The following MCCC1 variants were observed in gnomAD, a reference collection of about 807,000 sequenced individuals.
MCCC1 encodes methylcrotonyl-CoA carboxylase subunit 1, also known as methylcrotonoyl-CoA carboxylase subunit alpha, mitochondrial.
MCCC1 carries 64 observed loss-of-function variants against 83.8 expected under a neutral mutation model. The ratio of observed to expected loss-of-function variants is 0.76; its 90% CI spans 0.62 to 0.94. MCCC1 has a LOEUF of 0.94. Ranked by LOEUF, MCCC1 falls within the 40% of genes least tolerant of loss-of-function variation. MCCC1 has a pLI of 0.00. For synonymous variants in MCCC1, 322 were observed against 315.4 expected (o/e 1.02, Z -0.22); for missense variants, 807 against 904.7 (o/e 0.89, Z 1.39).
chr3:183,104,363 C>A (rs1404369743), upstream of MCCC1, among the ~76,000 whole-genome samples: 1 of 152,164 alleles, frequency 6.6e-6, no homozygotes, highest in Non-Finnish European at 1.5e-5. Flanking sequence ...ACTGATCTAC[C>A]CGCCTTGGCC....
upstream of MCCC1, among the ~76,000 whole-genome samples, chr3:183,100,050 G>A (rs28364748): frequency 7.9e-5 from 12 of 152,236 alleles, no homozygotes; most frequent in East Asian, 2.3e-3. Context: ...AAAGCAGGAG[G>A]GAGAAATTAG....
At chr3:183,099,167 G>A in intron 1 of MCCC1, 185 bp downstream of exon 1, 1 of 657,900 alleles carries the variant, frequency 1.5e-6, no homozygotes, top group Non-Finnish European at 2.7e-6. Flanking sequence ...GAAAGGGAAG[G>A]GCTGGTGGGG....
intron 7 of MCCC1, among the ~76,000 whole-genome samples, chr3:183,068,355 G>C (rs760180144): frequency 2.4e-4 from 37 of 152,186 alleles, no homozygotes; most frequent in Admixed American, 9.2e-4. Flanking sequence ...GGTAACAACA[G>C]TGACCTCTGG....
chr3:183,091,304 A>G (rs1037220866), intron 3 of MCCC1, among the ~76,000 whole-genome samples: 11 of 152,202 alleles, frequency 7.2e-5, no homozygotes, highest in African/African-American at 2.2e-4. Flanking sequence ...GCAGTGGCTC[A>G]CGCCTGTAAT....
upstream of MCCC1, among the ~76,000 whole-genome samples, chr3:183,101,187 C>G (rs1489031804): frequency 2.0e-5 from 3 of 152,274 alleles, no homozygotes; most frequent in Admixed American, 6.5e-5. Flanking sequence ...CCACCCACTC[C>G]ATGGGCTCCT....
intron 3 of MCCC1, among the ~76,000 whole-genome samples, chr3:183,089,163 C>CT (rs1718132601): frequency 6.6e-6 from 1 of 152,196 alleles, no homozygotes; most frequent in Non-Finnish European, 1.5e-5. Flanking sequence ...TATTATCCAC[C>CT]TTTTACATTA....
At chr3:183,109,603 T>G (rs1274742069) in intron 1 of MCCC1, among the ~76,000 whole-genome samples, 6 of 152,228 alleles carry the variant, frequency 3.9e-5, no homozygotes, top group Non-Finnish European at 7.3e-5. Flanking sequence ...TTTTTATGGT[T>G]GTGTAGTATT....
chr3:183,082,694 T>C (rs1391055632), intron 4 of MCCC1, among the ~76,000 whole-genome samples: 1 of 151,988 alleles, frequency 6.6e-6, no homozygotes. Flanking sequence ...AGAGAACGAG[T>C]GTGGCCAGGG....
At chr3:183,094,034 T>C (rs909511906) in intron 2 of MCCC1, among the ~76,000 whole-genome samples, 4 of 151,384 alleles carry the variant, frequency 2.6e-5, no homozygotes, top group African/African-American at 9.7e-5. Context: ...CTGTATTTTA[T>C]TTATTTATTT....
At chr3:183,090,800 G>C (rs1718265115) in intron 3 of MCCC1, 2 of 318,522 alleles carry the variant, frequency 6.3e-6, no homozygotes, top group Non-Finnish European at 1.3e-5. Context: ...TGTTGGTCAG[G>C]CTGGTCTCGA....
intron 17 of MCCC1, 97 bp from the exon 18 acceptor site, chr3:183,017,434 A>G: frequency 9.5e-7 from 1 of 1,055,334 alleles, no homozygotes; most frequent in African/African-American, 1.6e-5. Flanking sequence ...GTCTATATAT[A>G]CTCATAACAT....
chr3:183,028,271 T>A (rs551606965), intron 14 of MCCC1, among the ~76,000 whole-genome samples: 3 of 152,224 alleles, frequency 2.0e-5, no homozygotes, highest in Non-Finnish European at 4.4e-5. Flanking sequence ...TGTTGAGACC[T>A]ACTCAATAGT....
intron 13 of MCCC1, among the ~76,000 whole-genome samples, chr3:183,036,458 G>A (rs189778022): frequency 6.6e-6 from 1 of 151,932 alleles, no homozygotes; most frequent in East Asian, 1.9e-4. Flanking sequence ...GCTATGAGGA[G>A]TGGCGAACAA....
chr3:183,067,661 A>T (rs1489075389), intron 7 of MCCC1, among the ~76,000 whole-genome samples: 1 of 152,220 alleles, frequency 6.6e-6, no homozygotes, highest in Non-Finnish European at 1.5e-5. Context: ...CAGAAGAAAC[A>T]GGAGGGACTG....
chr3:183,072,966 C>T (rs1466631132), intron 4 of MCCC1, among the ~76,000 whole-genome samples: 1 of 152,192 alleles, frequency 6.6e-6, no homozygotes, highest in African/African-American at 2.4e-5. Flanking sequence ...TGGCTTATTT[C>T]ACCTAGCATA....
chr3:183,015,704 G>T, intron 18 of MCCC1, 138 bp from the exon 19 acceptor site: 2 of 1,025,782 alleles, frequency 1.9e-6, no homozygotes, highest in Non-Finnish European at 1.5e-6. Flanking sequence ...GCTTTCCAAC[G>T]CTTTGTTGTT....
chr3:183,105,285 A>G (rs1402335119), intron 1 of MCCC1, among the ~76,000 whole-genome samples: 1 of 152,210 alleles, frequency 6.6e-6, no homozygotes, highest in Non-Finnish European at 1.5e-5. Context: ...TAAAGGTTGC[A>G]GTGAGCTGAG....
At chr3:183,109,885 G>T (rs559879708) in intron 1 of MCCC1, among the ~76,000 whole-genome samples, 2 of 152,092 alleles carry the variant, frequency 1.3e-5, no homozygotes, top group Non-Finnish European at 2.9e-5. Context: ...GTGTATAAAC[G>T]TTCCCTTTTC....
At chr3:183,072,323 C>T in intron 5 of MCCC1, 43 bp downstream of exon 5, 3 of 1,609,960 alleles carry the variant, frequency 1.9e-6, no homozygotes, top group Non-Finnish European at 2.5e-6. Flanking sequence ...ACTATTTCAA[C>T]TGACCTTCAT....
Sources: gnomAD v4.1 joint callset for allele counts (sites outside exome capture counted in the v4.1 genomes callset) on GRCh38, gnomAD v4.1.1 for gene constraint, MANE v1.5 for transcripts, NCBI Gene and HGNC (gene_info 2026-07-23, HGNC 2026-07-21) for gene names.